Variants in HCN2 observed in about 807,000 individuals in gnomAD.
HCN2 encodes the protein potassium/sodium hyperpolarization-activated cyclic nucleotide-gated channel 2.
In HCN2, 20 loss-of-function variants were observed where a neutral mutation model predicts 52.3. The ratio of observed to expected loss-of-function variants is 0.38; its 90% CI spans 0.27 to 0.56. HCN2 has a LOEUF of 0.56. Among genes scored for constraint, HCN2 ranks in the 20% least tolerant of loss-of-function variants. The pLI, the probability that HCN2 is intolerant of heterozygous loss-of-function variation, is 0.71. For synonymous variants in HCN2, 694 were observed against 537.0 expected, an observed-to-expected ratio of 1.29 and a Z score of -4.04; for missense variants, 981 against 1,207.7, an observed-to-expected ratio of 0.81 and a Z score of 2.78.
intron 1 of HCN2, among the ~76,000 whole-genome samples, chr19:594,808 C>T (rs1287365096): frequency 3.3e-5 from 5 of 152,068 alleles, no homozygotes; most frequent in African/African-American, 4.8e-5. Flanking sequence ...TCCCAGGTGG[C>T]GGTGGCCTGC....
chr19:593,263 TC>T (rs2144503091), intron 1 of HCN2, among the ~76,000 whole-genome samples: 1 of 152,254 alleles, frequency 6.6e-6, no homozygotes, highest in South Asian at 2.1e-4. Context: ...AGAGCATGGG[TC>T]CTGGGCTGAC....
chr19:599,685 G>A lies in HCN2; in HGVS notation c.633-3859G>A, dbSNP rs1358904326. Among the ~76,000 whole-genome samples the A allele has an allele frequency of 2.6e-5, 4 of 152,108 alleles. No individual in the cohort carries two copies. In the East Asian group the frequency reaches 7.7e-4, roughly 29 times the overall value. On this transcript the variant is annotated intron_variant, in intron 1 of 7. Transcript: ENST00000251287. Reference sequence around the variant, plus strand: ...CGCCTATAGTCCCAGCTACTCGGGAGGGTGAGGCAAGAGAATGGTGTGAAC... The same window carrying A: ...CGCCTATAGTCCCAGCTACTCGGGAAGGTGAGGCAAGAGAATGGTGTGAAC...
chr19:604,935 T>C (rs1184428078), intron 2 of HCN2, 126 bp from the exon 3 acceptor site: 1 of 948,540 alleles, frequency 1.1e-6, no homozygotes, highest in Non-Finnish European at 1.4e-6. Context: ...GCGGGGGTCC[T>C]GTGCGGGGCC....
chr19:603,457 T>A, intron 1 of HCN2, 87 bp from the exon 2 acceptor site: 4 of 1,063,530 alleles, frequency 3.8e-6, no homozygotes, highest in Non-Finnish European at 5.4e-6. Context: ...TGGGCGCCCC[T>A]CGTCCCCCAA....
chr19:590,366 G>T lies in HCN2; in HGVS notation c.421G>T (p.Ala141Ser), dbSNP rs560359968. 8,603 of 1,153,368 alleles carry T rather than the reference G, an allele frequency of 7.5e-3. 50 individuals carry two copies. Among genetic ancestry groups the T allele is most frequent in the Non-Finnish European group, 8.6e-3 (8,027 of 938,136 alleles). 71.4% of individuals were successfully genotyped at this position (1,153,368 alleles called of 1,614,324 possible). Residue 141 changes from alanine (A) to serine (S), a missense_variant, in exon 1 of 8, where the codon GCG becomes TCG. Ala to Ser is a moderately conservative substitution (Grantham distance 99). Transcript: ENST00000251287. The surrounding 1 kb of genome is among the most constrained non-coding windows in gnomAD (Gnocchi z 7.2). ...GGGGCCCGCGCCGGGGCCGGGGCCGGCGGAGGAGGCGGGCAGCGAGGAGGC... is the reference window on the plus strand; with the variant it reads ...GGGGCCCGCGCCGGGGCCGGGGCCGTCGGAGGAGGCGGGCAGCGAGGAGGC... ...ASGPAPGPGP[A>S]EEAGSEEAGP...
chr19:610,551 C>G, intron 5 of HCN2, 146 bp downstream of exon 5: 1 of 665,806 alleles, frequency 1.5e-6, no homozygotes, highest in South Asian at 1.9e-5. Context: ...TACACACCCT[C>G]CCCTCCCCGC....
chr19:610,247 T>C lies in HCN2; in HGVS notation c.1438-12T>C. The C allele has an allele frequency of 6.2e-7, 1 of 1,609,828 alleles. No individual in the cohort carries two copies. The highest frequency in any genetic ancestry group is 8.5e-7 in the Non-Finnish European group (1 of 1,177,856). ...GGGCGGTGTCTGACCCAGCCTCGCC[T>C]CCTCCCCACAGTACAAGCAGGTGGA... On this transcript the variant is annotated splice_polypyrimidine_tract_variant and intron_variant, in intron 4 of 7. Transcript: ENST00000251287.
chr19:614,520 G>A (rs561398272), intron 7 of HCN2, among the ~76,000 whole-genome samples: 10 of 152,298 alleles, frequency 6.6e-5, no homozygotes, highest in African/African-American at 1.9e-4. Flanking sequence ...ACCAGGGTAA[G>A]GGATGCCATG....
chr19:599,320 G>A (rs910434192), intron 1 of HCN2, among the ~76,000 whole-genome samples: 3 of 152,178 alleles, frequency 2.0e-5, no homozygotes, highest in Non-Finnish European at 2.9e-5. Flanking sequence ...GACTTTCGGC[G>A]GCTCCTGAAA....
rs1306469999 is a variant in HCN2 at position 615,870 on chromosome 19, C to T, written c.2066C>T (p.Ala689Val). ...NSGVFNNQENAIIQEIVKYDR... is the reference protein window; with the variant it reads ...NSGVFNNQENVIIQEIVKYDR... ...GGCGTATTCAACAACCAGGAGAACG[C>T]CATCATCCAGGAGATCGTCAAGTAC... The change falls in exon 8 of 8, where the codon GCC becomes GTC. Residue 689 changes from alanine (A) to valine (V), a missense_variant. Around this residue, in one of 6 missense-constraint regions of HCN2, gnomAD observed 368 missense variants for 314.8 expected, o/e 1.17. Transcript: ENST00000251287. 7 of 1,612,982 alleles carry T rather than the reference C, an allele frequency of 4.3e-6. No individual in the cohort carries two copies. Among genetic ancestry groups the T allele is most frequent in the East Asian group, 2.2e-5 (1 of 44,876 alleles).
intron 1 of HCN2, among the ~76,000 whole-genome samples, chr19:596,350 C>T (rs1983028996): frequency 6.6e-6 from 1 of 152,174 alleles, no homozygotes; most frequent in African/African-American, 2.4e-5. Context: ...CCCACTGAAG[C>T]CACTCTGGAG....
intron 1 of HCN2, among the ~76,000 whole-genome samples, chr19:601,983 G>A (rs1282203410): frequency 6.6e-6 from 1 of 151,788 alleles, no homozygotes; most frequent in African/African-American, 2.4e-5. Flanking sequence ...CATACGGAAC[G>A]TCCGAATGGT....
At chr19:609,422 G>C (rs1264545766) in intron 4 of HCN2, among the ~76,000 whole-genome samples, 2 of 152,320 alleles carry the variant, frequency 1.3e-5, no homozygotes, top group African/African-American at 2.4e-5. Flanking sequence ...GCCTCTCCTC[G>C]TAGAGTCAGG....
At chr19:599,606 C>T (rs1009600598) in intron 1 of HCN2, among the ~76,000 whole-genome samples, 15 of 150,572 alleles carry the variant, frequency 1.0e-4, no homozygotes, top group Admixed American at 2.6e-4. Flanking sequence ...GGTGAAACCC[C>T]GTCTCTACTA....
At chr19:612,340 A>G (rs1292746032) in intron 5 of HCN2, among the ~76,000 whole-genome samples, 1 of 151,392 alleles carries the variant, frequency 6.6e-6, no homozygotes, top group East Asian at 1.9e-4. Flanking sequence ...CTTGGTTTTC[A>G]TGTTGATTTT....
chr19:612,224 T>A (rs1983667607), intron 5 of HCN2, among the ~76,000 whole-genome samples: 1 of 151,996 alleles, frequency 6.6e-6, no homozygotes, highest in African/African-American at 2.4e-5. Context: ...GAACGTGGTG[T>A]AACCACCACA....
At chr19:605,681 G>A (rs1287348216) in intron 3 of HCN2, among the ~76,000 whole-genome samples, 16 of 57,502 alleles carry the variant, frequency 2.8e-4, no homozygotes, top group Admixed American at 1.2e-3. Context: ...GGGAGGACTC[G>A]GGCCCTTACA....
intron 1 of HCN2, among the ~76,000 whole-genome samples, chr19:595,623 T>A (rs1983004890): frequency 6.6e-6 from 1 of 152,126 alleles, no homozygotes; most frequent in African/African-American, 2.4e-5. Context: ...GACAGGCCCA[T>A]CCCATGTGTC....
rs1393846449 is a variant in HCN2 at position 592,811 on chromosome 19, T to C, written c.632+2234T>C. Reference sequence around the variant, plus strand: ...CCGGACCCTGCTGTGGAGGGTGTTTTGGGGCAGCCCACAGCAAGCGAAGGG... The same window carrying C: ...CCGGACCCTGCTGTGGAGGGTGTTTCGGGGCAGCCCACAGCAAGCGAAGGG... On this transcript the variant is annotated intron_variant, in intron 1 of 7. Transcript: ENST00000251287. The surrounding 1 kb of genome is among the most constrained non-coding windows in gnomAD (Gnocchi z 4.8). 6.6e-6 allele frequency among the ~76,000 whole-genome samples: 1 copy of C among 152,006 alleles called. No homozygotes were observed. Among genetic ancestry groups the C allele is most frequent in the Non-Finnish European group, 1.5e-5 (1 of 67,968 alleles).
Sources: gnomAD v4.1 joint callset for allele counts (sites outside exome capture counted in the v4.1 genomes callset) on GRCh38, gnomAD v4.1.1 for gene constraint, gnomAD v4.1.1 regional missense constraint, Gnocchi (gnomAD v3.1) non-coding constraint, MANE v1.5 for transcripts, NCBI Gene and HGNC (gene_info 2026-07-23, HGNC 2026-07-21) for gene names.